The following VWA3A variants were observed in gnomAD, a reference collection of about 807,000 sequenced individuals.
The protein encoded by VWA3A is von Willebrand factor A domain containing 3A.
VWA3A carries 134 observed loss-of-function variants against 160.4 expected under a neutral mutation model. The ratio of observed to expected loss-of-function variants is 0.84; its 90% CI spans 0.73 to 0.96. The LOEUF (loss-of-function observed/expected upper bound fraction) is 0.96. Ranked by LOEUF, VWA3A falls within the 40% of genes least tolerant of loss-of-function variation. The pLI is 0.00. For synonymous variants in VWA3A, 476 were observed against 543.4 expected (o/e 0.88, Z 1.72); for missense variants, 1,310 against 1,447.9 (o/e 0.90, Z 1.55).
At chr16:22,126,385 G>A (rs1462387963) in intron 17 of VWA3A, 88 bp downstream of exon 17, 8 of 1,518,118 alleles carry the variant, frequency 5.3e-6, no homozygotes, top group East Asian at 2.3e-5. Flanking sequence ...GTTGCTGGAC[G>A]ATAGATATTG....
chr16:22,103,692 A>C (rs2045442159), intron 6 of VWA3A, among the ~76,000 whole-genome samples, 163 bp downstream of exon 6: 1 of 152,200 alleles, frequency 6.6e-6, no homozygotes, highest in South Asian at 2.1e-4. Flanking sequence ...AGCTGGATCC[A>C]GGTGCTCAGA....
At position 22,100,253 on chromosome 16, in the gene VWA3A, G is replaced by A. The variant is rs1357123728; in HGVS notation, c.285G>A (p.Ser95=). ...GGGAGGACTCTGAAGACTGGCTTTC[G>A]GCTCACAGTTTAAAATGTCAGAAAC... ...SDWEDSEDWL[S]AHSLKCQKLT... The change falls in exon 4 of 34, where the codon TCG becomes TCA. Residue 95 remains serine, a synonymous_variant. Coordinates refer to ENST00000389398, the MANE Select transcript of VWA3A (RefSeq NM_173615.5). 1.8e-5 allele frequency: 28 copies of A among 1,550,978 alleles called. No individual in the cohort carries two copies. Among genetic ancestry groups the A allele is most frequent in the South Asian group, 2.4e-5 (2 of 84,024 alleles).
At chr16:22,118,382 T>C (rs192526618) in intron 11 of VWA3A, among the ~76,000 whole-genome samples, 1 of 152,224 alleles carries the variant, frequency 6.6e-6, no homozygotes, top group East Asian at 1.9e-4. Flanking sequence ...ACTCTTCAAT[T>C]GTTTTAAAAC....
intron 17 of VWA3A, among the ~76,000 whole-genome samples, chr16:22,129,120 T>C (rs1248431959): frequency 1.3e-5 from 2 of 151,118 alleles, no homozygotes; most frequent in African/African-American, 2.4e-5. Context: ...CTGGGTACAG[T>C]GGCTCACGCT....
At chr16:22,149,575 C>T (rs747183076) in intron 28 of VWA3A, among the ~76,000 whole-genome samples, 3 of 152,160 alleles carry the variant, frequency 2.0e-5, no homozygotes, top group Non-Finnish European at 2.9e-5. Context: ...TTTCTGTCTG[C>T]ATTCAAATTG....
chr16:22,119,200 G>C (rs879464493), intron 12 of VWA3A, among the ~76,000 whole-genome samples, 173 bp downstream of exon 12: 8 of 152,140 alleles, frequency 5.3e-5, no homozygotes, highest in Middle Eastern at 6.8e-3. Flanking sequence ...AGTTGGGTGG[G>C]CTGGGTGGGC....
intron 20 of VWA3A, 147 bp downstream of exon 20, chr16:22,133,242 T>C (rs1234290699): frequency 3.3e-6 from 3 of 919,128 alleles, no homozygotes; most frequent in Non-Finnish European, 3.2e-6. Flanking sequence ...TGAAGATAGA[T>C]AGCAGTGATG....
At chr16:22,121,755 A>G in intron 14 of VWA3A, 138 bp downstream of exon 14, 1 of 667,596 alleles carries the variant, frequency 1.5e-6, no homozygotes, top group Non-Finnish European at 2.6e-6. Flanking sequence ...TGCACATCAA[A>G]TCCACTGTAG....
chr16:22,146,151 A>G (rs2046245479), intron 26 of VWA3A, 85 bp from the exon 27 acceptor site: 5 of 1,122,002 alleles, frequency 4.5e-6, no homozygotes, highest in South Asian at 4.2e-5. Context: ...GTTAACCACA[A>G]TGGAATAAAC....
chr16:22,094,640 C>T (rs2045288105), intron 1 of VWA3A, among the ~76,000 whole-genome samples: 1 of 151,972 alleles, frequency 6.6e-6, no homozygotes, highest in South Asian at 2.1e-4. Flanking sequence ...AAAGGTCTCA[C>T]ACGTGCCTGG....
At chr16:22,150,429 T>C (rs2046329061) in intron 29 of VWA3A, among the ~76,000 whole-genome samples, 1 of 152,094 alleles carries the variant, frequency 6.6e-6, no homozygotes, top group Non-Finnish European at 1.5e-5. Flanking sequence ...AAAAAATAGA[T>C]GAAGACACAG....
chr16:22,129,402 A>AGAAAGAAAGAAAGAAAGAAAGAAAG (rs386364808), intron 17 of VWA3A, among the ~76,000 whole-genome samples: 1 of 118,974 alleles, frequency 8.4e-6, no homozygotes, highest in African/African-American at 4.1e-5. Flanking sequence ...AAAAAAAAAA[A>AGAAAGAAAGAAAGAAAGAAAGAAAG]AAAGAAAGAA....
At chr16:22,149,679 A>G (rs1567226742) in intron 28 of VWA3A, 108 bp from the exon 29 acceptor site, 1 of 1,342,280 alleles carries the variant, frequency 7.5e-7, no homozygotes, top group Non-Finnish European at 9.8e-7. Flanking sequence ...ACGAGCAAGA[A>G]TAGTCCTCAT....
At chr16:22,092,771 C>T (rs1901376548) in intron 1 of VWA3A, 120 bp downstream of exon 1, 2 of 1,285,878 alleles carry the variant, frequency 1.6e-6, no homozygotes, top group East Asian at 5.3e-5. Context: ...TGTCCACTCC[C>T]TACATGCCGA....
At chr16:22,136,733 T>C (rs2046048720) in intron 21 of VWA3A, among the ~76,000 whole-genome samples, 1 of 152,020 alleles carries the variant, frequency 6.6e-6, no homozygotes, top group South Asian at 2.1e-4. Flanking sequence ...TTTTGGTGCT[T>C]TTAAAATATC....
intron 33 of VWA3A, 29 bp downstream of exon 33, chr16:22,155,945 C>T: frequency 6.2e-7 from 1 of 1,607,956 alleles, no homozygotes; most frequent in Non-Finnish European, 8.5e-7. Flanking sequence ...CCCCATACTA[C>T]CTGAGTGTGC....
chr16:22,118,413 C>T (rs2045680327), intron 11 of VWA3A, among the ~76,000 whole-genome samples: 1 of 152,110 alleles, frequency 6.6e-6, no homozygotes, highest in African/African-American at 2.4e-5. Context: ...AGGATGGGTG[C>T]AGTGGCTCAC....
At position 22,152,500 on chromosome 16, in the gene VWA3A, C is replaced by T; in HGVS notation, c.3282-11C>T. On this transcript the variant is annotated splice_polypyrimidine_tract_variant and intron_variant, in intron 30 of 33. Transcript: ENST00000389398. ...CAGCCTTCCCACCAGCCCTCTGTCC[C>T]TTCCTTCCAGAGCGGCGGTTGAGTT... 1 of 1,612,454 alleles carries T rather than the reference C, an allele frequency of 6.2e-7. No homozygotes were observed. The highest frequency in any genetic ancestry group is 8.5e-7 in the Non-Finnish European group (1 of 1,179,396).
rs1170860693 is a variant in VWA3A at position 22,110,957 on chromosome 16, TC to T, written c.655del (p.Leu219SerfsTer20). 6.2e-7 allele frequency: 1 copy of T among 1,610,220 alleles called. No individual in the cohort carries two copies. Among genetic ancestry groups the T allele is most frequent in the Non-Finnish European group, 8.5e-7 (1 of 1,178,472 alleles). On this transcript the variant is annotated frameshift_variant, in exon 8 of 34. Transcript: ENST00000389398. LOFTEE classifies it high-confidence loss of function. ...FVLSFGTNAG[S>X]LWPDPMEVSA... Reference sequence around the variant, plus strand: ...CCTGTCCTTTGGCACCAATGCCGGGTCCCTCTGGCCAGACCCCATGGAAGTC... The same window carrying T: ...CCTGTCCTTTGGCACCAATGCCGGGTCCTCTGGCCAGACCCCATGGAAGTC...
Sources: gnomAD v4.1 joint callset for allele counts (sites outside exome capture counted in the v4.1 genomes callset) on GRCh38, gnomAD v4.1.1 for gene constraint, MANE v1.5 for transcripts, NCBI Gene and HGNC (gene_info 2026-07-23, HGNC 2026-07-21) for gene names.